Variants in SEC13 observed in about 807,000 individuals in gnomAD.
SEC13 encodes the protein protein SEC13 homolog.
Under a neutral mutation model 49.2 loss-of-function variants are expected in SEC13, and 25 were observed. The ratio of observed to expected loss-of-function variants is 0.51; its 90% CI spans 0.37 to 0.71. SEC13 has a LOEUF of 0.71. SEC13 is among the 30% of genes least tolerant of loss of function. The probability of loss-of-function intolerance (pLI) is 0.00; values close to 1 mark genes in which losing one functional copy is unlikely to be tolerated. For missense variants in SEC13, 383 were observed against 417.6 expected (o/e 0.92, Z 0.72); for synonymous variants, 148 against 163.9 (o/e 0.90, Z 0.74).
At chr3:10,309,381 C>A (rs931842368) in intron 5 of SEC13, among the ~76,000 whole-genome samples, 1 of 152,126 alleles carries the variant, frequency 6.6e-6, no homozygotes, top group African/African-American at 2.4e-5. Context: ...GACCTTTCTG[C>A]CTGTCTTTAC....
At chr3:10,316,412 C>A (rs3842906) in intron 2 of SEC13, among the ~76,000 whole-genome samples, 1 of 151,980 alleles carries the variant, frequency 6.6e-6, no homozygotes, top group African/African-American at 2.4e-5. Context: ...GGAACACATC[C>A]TGATTTTTCT....
chr3:10,308,935 T>TA (rs1367899032), intron 5 of SEC13, among the ~76,000 whole-genome samples: 4 of 24,164 alleles, frequency 1.7e-4, no homozygotes, highest in African/African-American at 4.8e-4. Context: ...TGGCCTTGAT[T>TA]TTTTTTTTTT....
chr3:10,306,053 C>T, intron 5 of SEC13: 1 of 183,126 alleles, frequency 5.5e-6, no homozygotes, highest in Non-Finnish European at 1.2e-5. Flanking sequence ...AAAGCCCTGT[C>T]ATTATGCCCT....
chr3:10,311,850 A>G (rs780785252), intron 5 of SEC13, 115 bp downstream of exon 5: 35 of 1,595,514 alleles, frequency 2.2e-5, no homozygotes, highest in Non-Finnish European at 2.8e-5. Context: ...TCAGCTGACC[A>G]CTCCCCGGCC....
chr3:10,311,789 C>T (rs1421681276), intron 5 of SEC13, 176 bp downstream of exon 5: 1 of 1,457,296 alleles, frequency 6.9e-7, no homozygotes, highest in East Asian at 2.5e-5. Context: ...CCTGCCTGGT[C>T]TGGCTTCAGG....
intron 5 of SEC13, among the ~76,000 whole-genome samples, chr3:10,306,228 C>T (rs569767959): frequency 6.6e-6 from 1 of 152,174 alleles, no homozygotes; most frequent in South Asian, 2.1e-4. Context: ...TTTGCAGATT[C>T]CTCCTCTGAT....
chr3:10,312,112 G>T lies in SEC13; in HGVS notation c.317-14C>A, dbSNP rs766119072. The T allele has an allele frequency of 6.3e-7, 1 of 1,583,342 alleles. No homozygotes were observed. The highest frequency in any genetic ancestry group is 8.6e-7 in the Non-Finnish European group (1 of 1,164,136). On this transcript the variant is annotated splice_polypyrimidine_tract_variant and intron_variant, in intron 4 of 8. Coordinates refer to ENST00000350697, the MANE Select transcript of SEC13 (RefSeq NM_183352.3). The stretch of plus-strand genomic sequence containing the variant: ...ACACCGAGTTCACTGCGGGAAGAGG[G>T]AGAGTGCAGTGAGCAAAGCAGGGAG...
At chr3:10,309,228 C>G (rs536694352) in intron 5 of SEC13, among the ~76,000 whole-genome samples, 1 of 152,208 alleles carries the variant, frequency 6.6e-6, no homozygotes, top group South Asian at 2.1e-4. Flanking sequence ...TGAGCCACTG[C>G]GCCCGGCTGA....
chr3:10,319,720 C>T (rs1286115774), intron 1 of SEC13, among the ~76,000 whole-genome samples: 2 of 138,066 alleles, frequency 1.4e-5, no homozygotes, highest in Non-Finnish European at 3.0e-5. Flanking sequence ...ATTCTAACCA[C>T]TCTCACCCAC....
chr3:10,300,963 G>A lies in SEC13; in HGVS notation c.*298C>T, dbSNP rs1011954689. ...CAATATGACTTTATTTAGTTCCTTT[G>A]GAAACAAAACCCCCCAAATAATGCC... On this transcript the variant is annotated 3_prime_UTR_variant, in exon 9 of 9. Transcript: ENST00000350697. 8 of 998,104 alleles carry A rather than the reference G, an allele frequency of 8.0e-6. No homozygotes were observed. The highest frequency in any genetic ancestry group is 2.2e-5 in the Admixed American group (1 of 45,160). 61.8% of individuals were successfully genotyped at this position (998,104 alleles called of 1,614,324 possible).
intron 8 of SEC13, among the ~76,000 whole-genome samples, chr3:10,302,459 A>G (rs531967804): frequency 6.6e-6 from 1 of 152,320 alleles, no homozygotes; most frequent in Admixed American, 6.5e-5. Context: ...AAGAGCAAGA[A>G]GCCTAAATGC....
intron 8 of SEC13, chr3:10,303,677 C>G: frequency 2.7e-6 from 1 of 368,912 alleles, no homozygotes; most frequent in South Asian, 2.5e-5. Context: ...TTTATGGGTT[C>G]TTATACACTT....
In SEC13 at chr3:10,316,279, C is replaced by T. The variant is rs550733535; in HGVS notation, c.49-843G>A. Among the ~76,000 whole-genome samples, 4 of 152,274 alleles carry T rather than the reference C, an allele frequency of 2.6e-5. No homozygotes were observed. The South Asian group carries it at 8.3e-4, about 32-fold the overall frequency. On this transcript the variant is annotated intron_variant, in intron 2 of 8. Transcript: ENST00000350697. ...TTCCAATGGATGTCCCTTTCCCCAG[C>T]TGTCCCACCCTGGGAGTTTCAGGAC...
At chr3:10,305,273 C>G in intron 6 of SEC13, 117 bp from the exon 7 acceptor site, 1 of 1,419,632 alleles carries the variant, frequency 7.0e-7, no homozygotes, top group Non-Finnish European at 9.3e-7. Context: ...TTCTTTCATT[C>G]ATGGAGTTTG....
At chr3:10,303,363 G>A (rs1406448116) in intron 8 of SEC13, among the ~76,000 whole-genome samples, 1 of 152,222 alleles carries the variant, frequency 6.6e-6, no homozygotes, top group Non-Finnish European at 1.5e-5. Context: ...GAATTCAGCT[G>A]GGCAGATGGC....
intron 5 of SEC13, among the ~76,000 whole-genome samples, chr3:10,310,894 T>A (rs1188082378): frequency 1.3e-5 from 2 of 152,218 alleles, no homozygotes; most frequent in East Asian, 3.8e-4. Flanking sequence ...AATGGAGTGC[T>A]GATACACGCT....
Position 10,305,686 on chromosome 3 carries a change from A to G in SEC13, c.457T>C (p.Cys153Arg). ...KKINNAHTIG[C>R]NAVSWAPAVV... ...GCAGGGGCCCAGCTGACGGCATTGC[A>G]GCCAATCTGTAAAGATGGGACACAT... The change falls in exon 6 of 9, where the codon TGC (cysteine) becomes CGC (arginine). Residue 153 changes from cysteine to arginine, a missense_variant. By Grantham distance (180) the Cys-to-Arg change is radical (BLOSUM62 -3). Coordinates refer to ENST00000350697, the MANE Select transcript of SEC13 (RefSeq NM_183352.3). 6.2e-7 allele frequency: 1 copy of G among 1,614,200 alleles called. No individual in the cohort carries two copies. The highest frequency in any genetic ancestry group is 8.5e-7 in the Non-Finnish European group (1 of 1,180,020).
At chr3:10,306,841 GACTGTGAGGTTTCCCCAGCTACGTGGA>G (rs1700907376) in intron 5 of SEC13, among the ~76,000 whole-genome samples, 1 of 152,188 alleles carries the variant, frequency 6.6e-6, no homozygotes, top group Non-Finnish European at 1.5e-5. Context: ...CTTCTGCCAT[GACTGTGAGGTTTCCCCAGCTACGTGGA>G]ACTGTGAGTT....
chr3:10,318,210 A>T (rs1701726389), intron 1 of SEC13, 116 bp from the exon 2 acceptor site: 1 of 732,498 alleles, frequency 1.4e-6, no homozygotes, highest in Non-Finnish European at 2.4e-6. Context: ...TTCAGTAAGC[A>T]TTCATTCTAA....
Sources: gnomAD v4.1 joint callset for allele counts (sites outside exome capture counted in the v4.1 genomes callset) on GRCh38, gnomAD v4.1.1 for gene constraint, MANE v1.5 for transcripts, NCBI Gene and HGNC (gene_info 2026-07-23, HGNC 2026-07-21) for gene names.